The following PLG variants were observed in gnomAD, a reference collection of about 807,000 sequenced individuals.
PLG encodes plasminogen, also known as plasmin.
In PLG, 41 loss-of-function variants were observed where a neutral mutation model predicts 104.4. That is an observed-to-expected ratio of 0.39 (90% CI 0.31 to 0.51). PLG has a LOEUF of 0.51. Among genes scored for constraint, PLG ranks in the 20% least tolerant of loss-of-function variants. PLG has a pLI of 0.76. For synonymous variants in PLG, 337 were observed against 357.1 expected, an observed-to-expected ratio of 0.94 and a Z score of 0.63; for missense variants, 891 against 1,003.6, an observed-to-expected ratio of 0.89 and a Z score of 1.52.
In PLG at chr6:160,736,128, C is replaced by T. The variant is rs980385326; in HGVS notation, c.1682-759C>T. 2.0e-5 allele frequency among the ~76,000 whole-genome samples: 3 copies of T among 152,014 alleles called. No homozygotes were observed. In the South Asian group the frequency reaches 6.2e-4, roughly 32 times the overall value. On this transcript the variant is annotated intron_variant, in intron 13 of 18. Transcript: ENST00000308192. This position sits in a 1 kb window ranked among gnomAD's most constrained non-coding sequence, Gnocchi z 5.2. ...ACAACAGAGAAGCATTTTTGAATAC[C>T]CTCTGCAGCCCCTGCACTGTTGTAG...
At position 160,718,919 on chromosome 6, in the gene PLG, AG is replaced by A. The variant is rs1176438679; in HGVS notation, c.1096+82del. ...TACCAGTGGCATCATCACAATATAC[AG>A]TAGCTTTGTAAGTTTAATGCTATTG... On this transcript the variant is annotated intron_variant, in intron 9 of 18. Transcript: ENST00000308192. The A allele has an allele frequency of 2.5e-6, 3 of 1,221,052 alleles. No individual in the cohort carries two copies. The East Asian group carries it at 7.0e-5, about 28-fold the overall frequency. 75.6% of individuals were successfully genotyped at this position (1,221,052 alleles called of 1,614,324 possible). A position where few individuals can be genotyped will look rare whatever the true frequency, so the allele number is the denominator to read the frequency against.
At position 160,732,088 on chromosome 6, in the gene PLG, G is replaced by A. The variant is rs1182107596; in HGVS notation, c.1587+195G>A. Reference sequence around the variant, plus strand: ...GGCCTTAGTATGGAAAGTACAAGCAGCACAGGCCAGGAAACCTCCACACAT... The same window carrying A: ...GGCCTTAGTATGGAAAGTACAAGCAACACAGGCCAGGAAACCTCCACACAT... On this transcript the variant is annotated intron_variant, in intron 12 of 18. Coordinates refer to ENST00000308192, the MANE Select transcript of PLG (RefSeq NM_000301.5). This position sits in a 1 kb window ranked among gnomAD's most constrained non-coding sequence, Gnocchi z 4.5. Among the ~76,000 whole-genome samples, 2 of 152,174 alleles carry A rather than the reference G, an allele frequency of 1.3e-5. No homozygotes were observed. The highest frequency in any genetic ancestry group is 4.8e-5 in the African/African-American group (2 of 41,438).
rs1778179095 is a variant in PLG, at chr6:160,740,805, G to A, written c.2019-506G>A. Among the ~76,000 whole-genome samples, 1 of 152,166 alleles carries A rather than the reference G, an allele frequency of 6.6e-6. No individual in the cohort carries two copies. Among genetic ancestry groups the A allele is most frequent in the Non-Finnish European group, 1.5e-5 (1 of 68,028 alleles). ...CCAATCCTCTTTCATTTGGTATCAA[G>A]TATTTTACTGGATTCTTACAACTAT... On this transcript the variant is annotated intron_variant, in intron 16 of 18. Transcript: ENST00000308192. This position sits in a 1 kb window ranked among gnomAD's most constrained non-coding sequence, Gnocchi z 5.2.
At position 160,723,043 on chromosome 6, in the gene PLG, G is replaced by C. The variant is rs768539231; in HGVS notation, c.1256+476G>C. Among the ~76,000 whole-genome samples, 1 of 145,622 alleles carries C rather than the reference G, an allele frequency of 6.9e-6. No individual in the cohort carries two copies. The highest frequency in any genetic ancestry group is 1.5e-5 in the Non-Finnish European group (1 of 67,688). ...CACATATATATGTATACATATGTGT[G>C]CATATATAAATACACACATATATGA... On this transcript the variant is annotated intron_variant, in intron 10 of 18. Coordinates refer to ENST00000308192, the MANE Select transcript of PLG (RefSeq NM_000301.5). This position sits in a 1 kb window ranked among gnomAD's most constrained non-coding sequence, Gnocchi z 4.7.
intron 17 of PLG, among the ~76,000 whole-genome samples, chr6:160,745,077 G>A (rs1433230860): frequency 6.6e-6 from 1 of 152,180 alleles, no homozygotes; most frequent in Non-Finnish European, 1.5e-5. Flanking sequence ...GTCCAATTAT[G>A]TGGTTGATTT....
rs750157955 is a variant in PLG, at chr6:160,734,495, C to T, written c.1681+407C>T. Among the ~76,000 whole-genome samples the T allele has an allele frequency of 1.4e-4, 22 of 152,014 alleles. No individual in the cohort carries two copies. Among genetic ancestry groups the T allele is most frequent in the South Asian group, 4.2e-4 (2 of 4,818 alleles). On this transcript the variant is annotated intron_variant, in intron 13 of 18. Coordinates refer to ENST00000308192, the MANE Select transcript of PLG (RefSeq NM_000301.5). This position sits in a 1 kb window ranked among gnomAD's most constrained non-coding sequence, Gnocchi z 4.4. Reference sequence around the variant, plus strand: ...CAGCAGGAAACAGGTAAGCATGTAACGCACATTGTAAACCTCAGATGGCCA... The same window carrying T: ...CAGCAGGAAACAGGTAAGCATGTAATGCACATTGTAAACCTCAGATGGCCA...
chr6:160,718,964 T>C, intron 9 of PLG, 126 bp downstream of exon 9: 1 of 836,610 alleles, frequency 1.2e-6, no homozygotes, highest in Non-Finnish European at 2.0e-6. Context: ...AAGCCTGCCC[T>C]TATGATTTCA....
chr6:160,721,358 T>G (rs1364434201), intron 9 of PLG, among the ~76,000 whole-genome samples: 1 of 152,230 alleles, frequency 6.6e-6, no homozygotes, highest in Non-Finnish European at 1.5e-5. Flanking sequence ...TACTTTGAAA[T>G]GGACACCCTT....
At chr6:160,704,985 C>T (rs1448806452) in intron 1 of PLG, among the ~76,000 whole-genome samples, 1 of 152,188 alleles carries the variant, frequency 6.6e-6, no homozygotes, top group Non-Finnish European at 1.5e-5. Flanking sequence ...ACCGCATGTT[C>T]CCTGGAGGGC....
rs1778168890 is a variant in PLG at position 160,740,310 on chromosome 6, C to T, written c.2019-1001C>T. Among the ~76,000 whole-genome samples, 1 of 152,224 alleles carries T rather than the reference C, an allele frequency of 6.6e-6. No homozygotes were observed. The highest frequency in any genetic ancestry group is 1.5e-5 in the Non-Finnish European group (1 of 68,026). ...CTCCTGCTCCCCAGTGTCCTCCCCG[C>T]CATCCCAGCAAATGTGCAAATAGAA... On this transcript the variant is annotated intron_variant, in intron 16 of 18. Transcript: ENST00000308192. The surrounding 1 kb of genome is among the most constrained non-coding windows in gnomAD (Gnocchi z 5.2).
rs1778054297 is a variant in PLG, at chr6:160,734,492, T to C, written c.1681+404T>C. 6.6e-6 allele frequency among the ~76,000 whole-genome samples: 1 copy of C among 152,190 alleles called. No individual in the cohort carries two copies. Among genetic ancestry groups the C allele is most frequent in the Admixed American group, 6.5e-5 (1 of 15,280 alleles). Reference sequence around the variant, plus strand: ...AAACAGCAGGAAACAGGTAAGCATGTAACGCACATTGTAAACCTCAGATGG... The same window carrying C: ...AAACAGCAGGAAACAGGTAAGCATGCAACGCACATTGTAAACCTCAGATGG... On this transcript the variant is annotated intron_variant, in intron 13 of 18. Coordinates refer to ENST00000308192, the MANE Select transcript of PLG (RefSeq NM_000301.5). This position sits in a 1 kb window ranked among gnomAD's most constrained non-coding sequence, Gnocchi z 4.4.
chr6:160,752,045 T>C lies in PLG; in HGVS notation c.2126-70T>C, dbSNP rs1039686958. The C allele has an allele frequency of 7.2e-7, 1 of 1,381,734 alleles. No homozygotes were observed. Among genetic ancestry groups the C allele is most frequent in the Admixed American group, 1.7e-5 (1 of 59,678 alleles). 85.6% of individuals were successfully genotyped at this position (1,381,734 alleles called of 1,614,324 possible). On this transcript the variant is annotated intron_variant, in intron 17 of 18. Transcript: ENST00000308192. This position sits in a 1 kb window ranked among gnomAD's most constrained non-coding sequence, Gnocchi z 4.7. ...CAGACAGGAGGTCCAGTGCCGCTGC[T>C]CTGTTCTGGAATATCCTCCTGAATG...
chr6:160,714,335 G>T (rs182670989), intron 5 of PLG, among the ~76,000 whole-genome samples: 21 of 152,148 alleles, frequency 1.4e-4, no homozygotes, highest in East Asian at 1.9e-4. Context: ...ACCCTGAGAC[G>T]GTGCCAGGTC....
rs1778435038 is a variant in PLG at position 160,753,092 on chromosome 6, C to T, written c.*31C>T. ...CGGGAGACAGAGTGACGCACTGACT[C>T]ACCTAGAGGCTGGAACGTGGGTAGG... On this transcript the variant is annotated 3_prime_UTR_variant, in exon 19 of 19. Transcript: ENST00000308192. The surrounding 1 kb of genome is among the most constrained non-coding windows in gnomAD (Gnocchi z 5.4). 14 of 1,393,398 alleles carry T rather than the reference C, an allele frequency of 1.0e-5. No individual in the cohort carries two copies. The highest frequency in any genetic ancestry group is 1.2e-5 in the Non-Finnish European group (12 of 991,878). 86.3% of individuals were successfully genotyped at this position (1,393,398 alleles called of 1,614,324 possible).
At chr6:160,702,858 A>G (rs969048549) in intron 1 of PLG, among the ~76,000 whole-genome samples, 16 of 152,178 alleles carry the variant, frequency 1.1e-4, no homozygotes, top group Non-Finnish European at 2.2e-4. Flanking sequence ...TTCCATCAGT[A>G]TACGTTTGCC....
chr6:160,748,404 G>GAAAGAAAGAAAGAA (rs1554252976), intron 17 of PLG, among the ~76,000 whole-genome samples: 1 of 59,960 alleles, frequency 1.7e-5, no homozygotes, highest in Non-Finnish European at 3.1e-5. Flanking sequence ...AAGAAAGGAA[G>GAAAGAAAGAAAGAA]AAAGAAAGAA....
In PLG at chr6:160,717,286, T is replaced by C. The variant is rs1389307388; in HGVS notation, c.787+523T>C. ...AGAAATGATGTGGAGTAAACAATTT[T>C]ATCATATTTTCCTCTCTGAGAATTT... On this transcript the variant is annotated intron_variant, in intron 7 of 18. Transcript: ENST00000308192. 2.0e-5 allele frequency among the ~76,000 whole-genome samples: 3 copies of C among 152,148 alleles called. No individual in the cohort carries two copies. The South Asian group carries it at 6.2e-4, about 32-fold the overall frequency.
At chr6:160,722,594 G>A in intron 10 of PLG, 27 bp downstream of exon 10, 3 of 1,605,504 alleles carry the variant, frequency 1.9e-6, no homozygotes, top group Non-Finnish European at 2.6e-6. Flanking sequence ...TACTGTAAGA[G>A]GGGCATCAGC....
chr6:160,723,816 C>G lies in PLG; in HGVS notation c.1256+1249C>G, dbSNP rs1387140723. On this transcript the variant is annotated intron_variant, in intron 10 of 18. Transcript: ENST00000308192. The surrounding 1 kb of genome is among the most constrained non-coding windows in gnomAD (Gnocchi z 4.7). ...GCACTGGGGGATATTTGAGTTCTGA[C>G]CAGCCTGAGGAGAGACCTCGCTGAA... Among the ~76,000 whole-genome samples, 1 of 152,162 alleles carries G rather than the reference C, an allele frequency of 6.6e-6. No individual in the cohort carries two copies. The highest frequency in any genetic ancestry group is 1.5e-5 in the Non-Finnish European group (1 of 68,028).
Sources: allele counts gnomAD v4.1 joint callset (sites outside exome capture counted in the v4.1 genomes callset), GRCh38; gene constraint gnomAD v4.1.1; non-coding constraint Gnocchi (gnomAD v3.1); transcripts MANE v1.5; gene names NCBI Gene and HGNC (gene_info 2026-07-23, HGNC 2026-07-21).